NLRP13: variants seen among roughly 807,000 people sequenced by gnomAD.
NLRP13 encodes NLR family pyrin domain containing 13, also known as NACHT, LRR and PYD domains-containing protein 13.
In NLRP13, 82 loss-of-function variants were observed where a neutral mutation model predicts 94.4. The ratio of observed to expected loss-of-function variants is 0.87; its 90% CI spans 0.73 to 1.04. The LOEUF (loss-of-function observed/expected upper bound fraction) is 1.04, where lower values mean the gene tolerates loss of function less well. NLRP13 is among the 50% of genes least tolerant of loss of function. The pLI, the probability that NLRP13 is intolerant of heterozygous loss-of-function variation, is 0.00. For missense variants in NLRP13, 1,426 were observed against 1,230.8 expected (o/e 1.16, Z -2.37); for synonymous variants, 553 against 464.7 (o/e 1.19, Z -2.45).
intron 7 of NLRP13, 29 bp from the exon 8 acceptor site, chr19:55,905,141 C>T: frequency 6.2e-7 from 1 of 1,611,326 alleles, no homozygotes; most frequent in Non-Finnish European, 8.5e-7. Context: ...CAAGGTGAGC[C>T]TCAGCCATGA....
At chr19:55,923,233 A>G (rs569147392) in intron 4 of NLRP13, among the ~76,000 whole-genome samples, 15 of 152,334 alleles carry the variant, frequency 9.8e-5, no homozygotes, top group African/African-American at 3.4e-4. Context: ...TACAGGAAAA[A>G]CAGAGAATCC....
At chr19:55,903,622 T>G (rs1986253034) in intron 8 of NLRP13, among the ~76,000 whole-genome samples, 1 of 152,038 alleles carries the variant, frequency 6.6e-6, no homozygotes, top group Non-Finnish European at 1.5e-5. Context: ...ACCCAAACTC[T>G]TCTTACCCAG....
chr19:55,929,335 T>C (rs562304860), intron 1 of NLRP13, among the ~76,000 whole-genome samples: 202 of 152,334 alleles, frequency 1.3e-3, no homozygotes, highest in African/African-American at 4.4e-3. Flanking sequence ...CATATGGTTA[T>C]TGCAGCACTG....
Position 55,913,224 on chromosome 19 carries a change from G to C in NLRP13, c.593C>G (p.Pro198Arg). The C allele has an allele frequency of 6.2e-7, 1 of 1,613,906 alleles. No homozygotes were observed. Among genetic ancestry groups the C allele is most frequent in the Non-Finnish European group, 8.5e-7 (1 of 1,179,986 alleles). The change falls in exon 5 of 11, where the codon CCT becomes CGT. Residue 198 changes from proline to arginine, a missense_variant. Physicochemically the swap from Pro to Arg is moderately radical, Grantham distance 103 (BLOSUM62 -2). Coordinates refer to ENST00000342929, the MANE Select transcript of NLRP13 (RefSeq NM_176810.2). ...LLETWDNISW[P>R]KDHVYIRNTS... ...ATTACGGATATATACGTGGTCTTTA[G>C]GCCAACTGATGTTGTCCCATGTCTC...
At chr19:55,913,573 T>TAAAAAAAAAAAAAAAAAA (rs1986599230) in intron 4 of NLRP13, among the ~76,000 whole-genome samples, 1 of 87,370 alleles carries the variant, frequency 1.1e-5, no homozygotes, top group African/African-American at 4.2e-5. Flanking sequence ...AAAAAAAAAG[T>TAAAAAAAAAAAAAAAAAA]TGCAAAATAT....
chr19:55,931,861 G>C, intron 1 of NLRP13, 132 bp downstream of exon 1: 4 of 768,122 alleles, frequency 5.2e-6, no homozygotes, highest in Non-Finnish European at 8.5e-6. Flanking sequence ...ACATCATACT[G>C]TCATAGATTA....
At chr19:55,902,264 T>TTTATCTAA in intron 8 of NLRP13, 59 bp from the exon 9 acceptor site, 1 of 1,507,774 alleles carries the variant, frequency 6.6e-7, no homozygotes, top group Non-Finnish European at 9.1e-7. Context: ...CCCAGGCTCC[T>TTTATCTAA]GGAACAGAGC....
intron 7 of NLRP13, among the ~76,000 whole-genome samples, chr19:55,906,336 T>TGAAAAAAAAA (rs1986346529): frequency 1.0e-4 from 1 of 9,744 alleles, no homozygotes; most frequent in Non-Finnish European, 1.7e-4. Context: ...AGACTCCATC[T>TGAAAAAAAAA]CAAAAAAAAA....
chr19:55,931,058 C>T (rs533169692), intron 1 of NLRP13, among the ~76,000 whole-genome samples: 47 of 143,972 alleles, frequency 3.3e-4, no homozygotes, highest in Admixed American at 4.8e-4. Context: ...TGGCATGAAA[C>T]TTTACCCTGA....
chr19:55,911,353 C>A (rs1903120878), intron 5 of NLRP13, among the ~76,000 whole-genome samples: 1 of 152,162 alleles, frequency 6.6e-6, no homozygotes, highest in African/African-American at 2.4e-5. Flanking sequence ...CACCGCAGCC[C>A]CCCAGTAGCT....
At chr19:55,901,930 C>A (rs147737424) in intron 9 of NLRP13, 105 bp downstream of exon 9, 4 of 1,198,308 alleles carry the variant, frequency 3.3e-6, no homozygotes, top group African/African-American at 3.0e-5. Flanking sequence ...TGGCAAAGAG[C>A]TTGTCCACGC....
intron 4 of NLRP13, among the ~76,000 whole-genome samples, chr19:55,918,233 T>A (rs1986719737): frequency 1.5e-5 from 2 of 134,580 alleles, no homozygotes. Flanking sequence ...ACACAACATA[T>A]CAAAACCTCT....
intron 1 of NLRP13, 150 bp downstream of exon 1, chr19:55,931,843 G>T: frequency 1.4e-6 from 1 of 696,868 alleles, no homozygotes; most frequent in Non-Finnish European, 2.4e-6. Flanking sequence ...TAGCCTTTAT[G>T]CCTTTAAACA....
chr19:55,924,129 A>G, intron 3 of NLRP13, 150 bp from the exon 4 acceptor site: 1 of 645,688 alleles, frequency 1.5e-6, no homozygotes, highest in Non-Finnish European at 2.7e-6. Flanking sequence ...TATATTTTTT[A>G]TTTATTTTTA....
intron 1 of NLRP13, among the ~76,000 whole-genome samples, chr19:55,930,096 G>A (rs912356460): frequency 6.6e-6 from 1 of 152,058 alleles, no homozygotes; most frequent in East Asian, 1.9e-4. Context: ...GTATGACTCC[G>A]CATGCCCCGT....
At chr19:55,929,114 A>G (rs934321133) in intron 1 of NLRP13, among the ~76,000 whole-genome samples, 3 of 152,206 alleles carry the variant, frequency 2.0e-5, no homozygotes, top group South Asian at 2.1e-4. Context: ...CGATCATTGA[A>G]AAGTCAGGAA....
rs1986563223 is a variant in NLRP13, at chr19:55,912,824, T to C, written c.993A>G (p.Pro331=). 6.2e-7 allele frequency: 1 copy of C among 1,614,172 alleles called. No individual in the cohort carries two copies. The highest frequency in any genetic ancestry group is 8.5e-7 in the Non-Finnish European group (1 of 1,180,026). ...SRSESLDDGS[P]CTDWYQELPV... is the part of the protein sequence containing the mutation. The stretch of plus-strand genomic sequence containing the variant: ...GGAGCTCCTGGTACCAGTCTGTACA[T>C]GGCGAGCCATCATCCAAGCTCTCAG... The change falls in exon 5 of 11, where the codon CCA becomes CCG. Residue 331 remains proline, a synonymous_variant. Coordinates refer to ENST00000342929, the MANE Select transcript of NLRP13 (RefSeq NM_176810.2).
intron 4 of NLRP13, among the ~76,000 whole-genome samples, chr19:55,923,358 G>A (rs1386839430): frequency 6.6e-6 from 1 of 152,194 alleles, no homozygotes; most frequent in African/African-American, 2.4e-5. Flanking sequence ...AAGCTTTGGG[G>A]AAGAATGAGC....
intron 4 of NLRP13, among the ~76,000 whole-genome samples, chr19:55,914,294 T>C (rs1986624890): frequency 6.6e-6 from 1 of 152,188 alleles, no homozygotes; most frequent in Non-Finnish European, 1.5e-5. Context: ...ATGAGCATTC[T>C]AGAGTATAGT....
Sources: gnomAD v4.1 joint callset for allele counts (sites outside exome capture counted in the v4.1 genomes callset) on GRCh38, gnomAD v4.1.1 for gene constraint, MANE v1.5 for transcripts, NCBI Gene and HGNC (gene_info 2026-07-23, HGNC 2026-07-21) for gene names.